TAF5L: variants seen among roughly 807,000 people sequenced by gnomAD.
TAF5L encodes the protein TATA-box binding protein associated factor 5 like, also known as TAF5-like RNA polymerase II p300/CBP-associated factor-associated factor 65 kDa subunit 5L.
TAF5L carries 7 observed loss-of-function variants against 51.3 expected under a neutral mutation model. The ratio of observed to expected loss-of-function variants is 0.14; its 90% CI spans 0.08 to 0.26. The LOEUF is 0.26. Ranked by LOEUF, TAF5L falls within the 10% of genes least tolerant of loss-of-function variation. TAF5L has a pLI of 1.00. For missense variants in TAF5L, 575 were observed against 758.9 expected (o/e 0.76, Z 2.85); for synonymous variants, 291 against 308.1 (o/e 0.94, Z 0.58).
chr1:229,621,172 A>T (rs755290107), intron 1 of TAF5L, among the ~76,000 whole-genome samples: 3 of 152,106 alleles, frequency 2.0e-5, no homozygotes, highest in Non-Finnish European at 2.9e-5. Flanking sequence ...AACTAATTTT[A>T]ATTTAAGTAG....
exon 2 of TAF5L, chr1:229,614,410 A>C: frequency 6.2e-7 from 1 of 1,614,196 alleles, no homozygotes; most frequent in Non-Finnish European, 8.5e-7. Context: ...GGACCATCTG[A>C]GTCCACGTAC....
At chr1:229,596,510 C>A (rs6702299) in intron 4 of TAF5L, among the ~76,000 whole-genome samples, 81,199 of 151,982 alleles carry the variant, frequency 0.53, 21,927 homozygotes, top group East Asian at 0.77. Flanking sequence ...TCTCCCCCAA[C>A]GTAACAAAAC....
At chr1:229,610,526 C>T (rs1337717747) in intron 2 of TAF5L, among the ~76,000 whole-genome samples, 2 of 152,234 alleles carry the variant, frequency 1.3e-5, no homozygotes, top group Admixed American at 1.3e-4. Flanking sequence ...TATGTTCTGA[C>T]ATTTCACAGG....
At chr1:229,613,433 G>C (rs940108135) in intron 2 of TAF5L, among the ~76,000 whole-genome samples, 1 of 151,766 alleles carries the variant, frequency 6.6e-6, no homozygotes, top group Admixed American at 6.6e-5. Flanking sequence ...AATTACAGTC[G>C]GCCCTCTGTA....
At chr1:229,616,694 A>G (rs1398128387) in intron 1 of TAF5L, among the ~76,000 whole-genome samples, 2 of 152,220 alleles carry the variant, frequency 1.3e-5, no homozygotes, top group African/African-American at 2.4e-5. Flanking sequence ...CTTTAAAAAT[A>G]TACTCTGAAG....
Position 229,594,123 on chromosome 1 carries a change from C to G in TAF5L, c.*174G>C. On this transcript the variant is annotated 3_prime_UTR_variant, in exon 5 of 5. Transcript: ENST00000258281. This position sits in a 1 kb window ranked among gnomAD's most constrained non-coding sequence, Gnocchi z 7.9. ...CCTCTCTCCTGTTCCCCTCCCCAAC[C>G]TTGGCCTTCGACACTGGGGGGCTGA... 1.4e-6 allele frequency: 1 copy of G among 695,898 alleles called. No individual in the cohort carries two copies. The highest frequency in any genetic ancestry group is 2.4e-6 in the Non-Finnish European group (1 of 415,776). The allele number at this position is 695,898 out of a possible 1,614,324, so 43.1% of individuals were successfully genotyped here. A position where few individuals can be genotyped will look rare whatever the true frequency, so the allele number is the denominator to read the frequency against.
At chr1:229,603,539 C>T (rs976896414) in intron 3 of TAF5L, among the ~76,000 whole-genome samples, 4 of 152,176 alleles carry the variant, frequency 2.6e-5, no homozygotes, top group East Asian at 3.8e-4. Flanking sequence ...TACAGGCTGG[C>T]GTGTCCTGTG....
intron 4 of TAF5L, among the ~76,000 whole-genome samples, chr1:229,596,119 A>T (rs796986657): frequency 2.8e-4 from 42 of 152,178 alleles, no homozygotes; most frequent in African/African-American, 7.7e-4. Flanking sequence ...AAAAAAATTT[A>T]AAAAATTAGC....
At position 229,622,015 on chromosome 1, in the gene TAF5L, CATCATCTATCT is replaced by C. The variant is rs1264035380; in HGVS notation, c.-4+3859_-4+3869del. On this transcript the variant is annotated intron_variant, in intron 1 of 4. Coordinates refer to ENST00000258281, the Ensembl canonical transcript of TAF5L. ...GTGAGCAGAACTTCTTTTCATTCATCATCATCTATCTATCTATCTATCTATCTATCTATCTA... is the reference window on the plus strand; with the variant it reads ...GTGAGCAGAACTTCTTTTCATTCATCATCTATCTATCTATCTATCTATCTA... 4.2e-4 allele frequency among the ~76,000 whole-genome samples: 57 copies of C among 137,278 alleles called. No homozygotes were observed. In the East Asian group the frequency reaches 4.4e-3, roughly 11 times the overall value. 90.1% of individuals were successfully genotyped at this position (137,278 alleles called of 152,430 possible). A position where few individuals can be genotyped will look rare whatever the true frequency, so the allele number is the denominator to read the frequency against.
Position 229,602,838 on chromosome 1 carries a change from T to A in TAF5L, c.329A>T (p.Asn110Ile). 1.9e-6 allele frequency: 3 copies of A among 1,612,392 alleles called. No individual in the cohort carries two copies. Among genetic ancestry groups the A allele is most frequent in the Non-Finnish European group, 2.5e-6 (3 of 1,180,030 alleles). ...ACTTTCCACTGTGCTCTTCGGACTG[T>A]TTTGGACCAGGTTGAGATGGAGGTA... Residue 110 changes from asparagine (N) to isoleucine (I), a missense_variant, in exon 4 of 5, where the codon AAC (asparagine) becomes ATC (isoleucine). Physicochemically the swap from Asn to Ile is moderately radical, Grantham distance 149. This residue lies in a region of TAF5L where 380 missense variants were observed against 443.7 expected (regional missense o/e 0.86). Coordinates refer to ENST00000258281, the Ensembl canonical transcript of TAF5L. The surrounding 1 kb of genome is among the most constrained non-coding windows in gnomAD (Gnocchi z 4.6).
intron 3 of TAF5L, chr1:229,606,718 G>A (rs1038509542): frequency 4.2e-5 from 41 of 985,218 alleles, no homozygotes; most frequent in Non-Finnish European, 4.8e-5. Flanking sequence ...TAGGAGCCAG[G>A]TACTTTGCAT....
intron 4 of TAF5L, chr1:229,601,626 T>C (rs753960520): frequency 4.1e-6 from 4 of 986,196 alleles, no homozygotes; most frequent in Non-Finnish European, 4.8e-6. Flanking sequence ...CTTCTCCAAG[T>C]GGGGTCTGGG....
intron 4 of TAF5L, chr1:229,599,868 T>C: frequency 3.0e-6 from 3 of 985,470 alleles, no homozygotes; most frequent in East Asian, 1.1e-4. Flanking sequence ...ATTTATGTAA[T>C]AGTTATTGCT....
chr1:229,614,475 C>T, exon 2 of TAF5L: 5 of 1,614,128 alleles, frequency 3.1e-6, no homozygotes, highest in Non-Finnish European at 3.4e-6. Context: ...GGTACGCACT[C>T]GTTTCATGAC....
intron 3 of TAF5L, among the ~76,000 whole-genome samples, chr1:229,609,156 T>A (rs1422020707): frequency 6.6e-6 from 1 of 152,212 alleles, no homozygotes; most frequent in Non-Finnish European, 1.5e-5. Context: ...GCATATAGTC[T>A]AATGAGGAAA....
At chr1:229,610,607 T>C (rs1664752980) in intron 2 of TAF5L, among the ~76,000 whole-genome samples, 1 of 152,248 alleles carries the variant, frequency 6.6e-6, no homozygotes, top group Non-Finnish European at 1.5e-5. Flanking sequence ...TGGAAATTCA[T>C]GTCTTCTAGT....
chr1:229,615,055 C>T (rs377632547), intron 1 of TAF5L, among the ~76,000 whole-genome samples: 1 of 152,148 alleles, frequency 6.6e-6, no homozygotes, highest in Non-Finnish European at 1.5e-5. Context: ...TAGGGATTTG[C>T]AAAATGTGTT....
chr1:229,603,746 C>G (rs999875174), intron 3 of TAF5L, among the ~76,000 whole-genome samples: 1 of 152,174 alleles, frequency 6.6e-6, no homozygotes, highest in Non-Finnish European at 1.5e-5. Context: ...AAAAGGTGTA[C>G]AGCTTGAATT....
chr1:229,623,851 G>GCT (rs2102769751), intron 1 of TAF5L, among the ~76,000 whole-genome samples: 2 of 152,312 alleles, frequency 1.3e-5, no homozygotes, highest in Non-Finnish European at 2.9e-5. Flanking sequence ...AAGGGTCTGA[G>GCT]CTCTCACCTT....
Sources: gnomAD v4.1 joint callset for allele counts (sites outside exome capture counted in the v4.1 genomes callset) on GRCh38, gnomAD v4.1.1 for gene constraint, gnomAD v4.1.1 regional missense constraint, Gnocchi (gnomAD v3.1) non-coding constraint, MANE v1.5 for transcripts, NCBI Gene and HGNC (gene_info 2026-07-23, HGNC 2026-07-21) for gene names.